The following DISP1 variants were observed in gnomAD, a reference collection of about 807,000 sequenced individuals.
DISP1 encodes dispatched RND transporter family member 1.
DISP1 carries 30 observed loss-of-function variants against 37.3 expected under a neutral mutation model. The observed-to-expected ratio is 0.80, with a 90% CI of 0.60 to 1.09. The LOEUF (loss-of-function observed/expected upper bound fraction) is 1.09. Ranked by LOEUF, DISP1 falls within the 50% of genes least tolerant of loss-of-function variation. The pLI is 0.00. For synonymous variants in DISP1, 634 were observed against 690.2 expected (o/e 0.92, Z 1.28); for missense variants, 1,598 against 1,879.5 (o/e 0.85, Z 2.77).
intron 3 of DISP1, among the ~76,000 whole-genome samples, chr1:222,972,601 G>A (rs1677044004): frequency 6.6e-6 from 1 of 152,028 alleles, no homozygotes; most frequent in African/African-American, 2.4e-5. Flanking sequence ...ATTGACACAA[G>A]GTTTGTTTCC....
chr1:222,954,729 G>A (rs1027521469), intron 3 of DISP1, among the ~76,000 whole-genome samples: 4 of 152,092 alleles, frequency 2.6e-5, no homozygotes, highest in African/African-American at 9.7e-5. Context: ...ATGAACAAAA[G>A]GCTGGGCCAG....
Position 222,937,339 on chromosome 1 carries a change from C to T in DISP1, c.-17-5468C>T, listed in dbSNP as rs141463023. On this transcript the variant is annotated intron_variant, in intron 2 of 8. Transcript: ENST00000675850. ...TCTCCTGACCTCGTGATCCACCCGC[C>T]TCAGCCTCCCAAAGTGCTGGGATTA... 8.2e-3 allele frequency among the ~76,000 whole-genome samples: 1,251 copies of T among 152,044 alleles called. 14 individuals are homozygous for T. Among genetic ancestry groups the T allele is most frequent in the African/African-American group, 0.028 (1,174 of 41,474 alleles).
At chr1:222,933,913 A>T (rs1673554975) in intron 2 of DISP1, among the ~76,000 whole-genome samples, 1 of 152,054 alleles carries the variant, frequency 6.6e-6, no homozygotes, top group Non-Finnish European at 1.5e-5. Flanking sequence ...CATTATTCTT[A>T]AATAGTCAAT....
chr1:222,871,717 A>G (rs1669591149), intron 1 of DISP1, among the ~76,000 whole-genome samples: 1 of 152,338 alleles, frequency 6.6e-6, no homozygotes, highest in African/African-American at 2.4e-5. Context: ...TAGATATACA[A>G]TCATGTCATC....
intron 1 of DISP1, chr1:222,837,100 G>T (rs11597): frequency 0.085 from 34,020 of 398,340 alleles, 1,682 homozygotes; most frequent in African/African-American, 0.12. Context: ...AGTAAGTTTG[G>T]GCCGTTGGGA....
At chr1:222,957,428 A>C (rs1044251217) in intron 3 of DISP1, among the ~76,000 whole-genome samples, 1 of 152,064 alleles carries the variant, frequency 6.6e-6, no homozygotes, top group Non-Finnish European at 1.5e-5. Context: ...GTCTCTACTA[A>C]AAATACAAAA....
intron 1 of DISP1, among the ~76,000 whole-genome samples, chr1:222,840,707 T>A (rs1345537357): frequency 6.6e-6 from 1 of 150,542 alleles, no homozygotes; most frequent in Non-Finnish European, 1.5e-5. Context: ...GGACTACAGG[T>A]GCCCGCCACC....
chr1:222,942,349 T>C (rs1427391013), intron 2 of DISP1, among the ~76,000 whole-genome samples: 1 of 152,170 alleles, frequency 6.6e-6, no homozygotes, highest in Non-Finnish European at 1.5e-5. Flanking sequence ...TTATTCAAAT[T>C]ATTTTAACCT....
At chr1:222,966,148 G>A (rs1363619232) in intron 3 of DISP1, among the ~76,000 whole-genome samples, 2 of 152,136 alleles carry the variant, frequency 1.3e-5, no homozygotes. Context: ...TTACACTGAA[G>A]CATTTCTTTG....
chr1:223,005,518 TAC>T lies in DISP1; in HGVS notation c.4125_4126del (p.His1375GlnfsTer37). 6.2e-7 allele frequency: 1 copy of T among 1,614,052 alleles called. No homozygotes were observed. Among genetic ancestry groups the T allele is most frequent in the Non-Finnish European group, 8.5e-7 (1 of 1,180,022 alleles). ...CAAGAAAAAATTGGCAAGACCAATG[TAC>T]ACAGTCTTCAGAGGAGCATAGAAGA... is the stretch of plus-strand genomic sequence containing the variant. On this transcript the variant is annotated frameshift_variant, in exon 9 of 9. Transcript: ENST00000675850. LOFTEE classifies it low-confidence loss of function (END_TRUNC).
In DISP1 at chr1:222,981,891, G is replaced by A. The variant is rs968011385; in HGVS notation, c.510-1189G>A. 2.6e-5 allele frequency among the ~76,000 whole-genome samples: 4 copies of A among 152,144 alleles called. No homozygotes were observed. The East Asian group carries it at 7.7e-4, about 29-fold the overall frequency. On this transcript the variant is annotated intron_variant, in intron 3 of 8. Transcript: ENST00000675850. ...TATATCCTCAATAAATTAGTGTAGT[G>A]GTTCCTAAACTTTGGGTCATGCAAC...
chr1:222,871,269 T>C (rs1669554902), intron 1 of DISP1, among the ~76,000 whole-genome samples: 1 of 152,112 alleles, frequency 6.6e-6, no homozygotes, highest in Non-Finnish European at 1.5e-5. Flanking sequence ...GACTTGGCAA[T>C]GTGGGCTCTT....
intron 3 of DISP1, among the ~76,000 whole-genome samples, chr1:222,982,657 G>A (rs759430369): frequency 3.9e-5 from 6 of 152,162 alleles, no homozygotes; most frequent in Admixed American, 6.5e-5. Context: ...CCTAAAAGAA[G>A]GTATTAATAT....
intron 1 of DISP1, among the ~76,000 whole-genome samples, chr1:222,900,268 C>A (rs1671506959): frequency 6.6e-6 from 1 of 152,070 alleles, no homozygotes; most frequent in African/African-American, 2.4e-5. Context: ...CGTTTTTAAG[C>A]CTTAGTTTCC....
At chr1:222,839,707 G>C (rs919540069) in intron 1 of DISP1, among the ~76,000 whole-genome samples, 1 of 152,146 alleles carries the variant, frequency 6.6e-6, no homozygotes, top group African/African-American at 2.4e-5. Flanking sequence ...GGCTGAGGCG[G>C]GTGGATCATG....
intron 3 of DISP1, chr1:222,979,603 G>A (rs970583484): frequency 1.7e-5 from 8 of 470,792 alleles, no homozygotes; most frequent in Non-Finnish European, 3.5e-5. Flanking sequence ...AGCTTTTGGG[G>A]GTTTTTGGTC....
intron 3 of DISP1, among the ~76,000 whole-genome samples, chr1:222,956,858 A>G (rs768832844): frequency 5.9e-5 from 9 of 152,110 alleles, no homozygotes; most frequent in Non-Finnish European, 1.2e-4. Context: ...AGAAAACTAT[A>G]TATTATACTC....
intron 3 of DISP1, among the ~76,000 whole-genome samples, chr1:222,952,782 G>A (rs1675318533): frequency 6.6e-6 from 1 of 152,122 alleles, no homozygotes; most frequent in African/African-American, 2.4e-5. Context: ...CCTGGGCGGT[G>A]GTTGCAGTGA....
At chr1:222,847,350 A>C (rs751635631) in intron 1 of DISP1, among the ~76,000 whole-genome samples, 1 of 152,154 alleles carries the variant, frequency 6.6e-6, no homozygotes, top group Non-Finnish European at 1.5e-5. Context: ...TTTTTAGTGG[A>C]GAATGGTATT....
Sources: allele counts gnomAD v4.1 joint callset (sites outside exome capture counted in the v4.1 genomes callset), GRCh38; gene constraint gnomAD v4.1.1; transcripts MANE v1.5; gene names NCBI Gene and HGNC (gene_info 2026-07-23, HGNC 2026-07-21).